The following ESF1 variants were observed in gnomAD, a reference collection of about 807,000 sequenced individuals.
ESF1 encodes the protein ESF1 homolog.
In ESF1, 58 loss-of-function variants were observed where a neutral mutation model predicts 92.0. The ratio of observed to expected loss-of-function variants is 0.63; its 90% CI spans 0.51 to 0.78. The LOEUF (loss-of-function observed/expected upper bound fraction) is 0.78. Ranked by LOEUF, ESF1 falls within the 30% of genes least tolerant of loss-of-function variation. The probability of loss-of-function intolerance (pLI) is 0.00; values close to 1 mark genes in which losing one functional copy is unlikely to be tolerated. For synonymous variants in ESF1, 321 were observed against 313.7 expected, an observed-to-expected ratio of 1.02 and a Z score of -0.24; for missense variants, 922 against 989.1, an observed-to-expected ratio of 0.93 and a Z score of 0.91.
chr20:13,761,515 A>G (rs370046145), intron 8 of ESF1, among the ~76,000 whole-genome samples: 2 of 152,046 alleles, frequency 1.3e-5, no homozygotes, highest in Non-Finnish European at 2.9e-5. Context: ...TAGGCTGAAT[A>G]TTGTTGGGAT....
chr20:13,762,619 T>A (rs931645592), intron 8 of ESF1, among the ~76,000 whole-genome samples: 1 of 152,156 alleles, frequency 6.6e-6, no homozygotes, highest in Non-Finnish European at 1.5e-5. Context: ...AAACCCTTAA[T>A]ACTATATAAG....
intron 8 of ESF1, among the ~76,000 whole-genome samples, chr20:13,766,291 C>T (rs1979422436): frequency 6.6e-6 from 1 of 152,104 alleles, no homozygotes; most frequent in Non-Finnish European, 1.5e-5. Flanking sequence ...CCTCAAGCTC[C>T]ACAAACAAAA....
intron 8 of ESF1, among the ~76,000 whole-genome samples, chr20:13,762,049 T>C (rs996335395): frequency 6.6e-6 from 1 of 152,322 alleles, no homozygotes; most frequent in East Asian, 1.9e-4. Flanking sequence ...CCTTGTATCT[T>C]TTTTAGTTTT....
intron 13 of ESF1, among the ~76,000 whole-genome samples, chr20:13,715,686 A>T (rs546976248): frequency 6.6e-6 from 1 of 152,322 alleles, no homozygotes; most frequent in African/African-American, 2.4e-5. Context: ...AATCCATCTG[A>T]GATCAAGGTC....
At chr20:13,780,513 A>G (rs1450163846) in intron 2 of ESF1, among the ~76,000 whole-genome samples, 2 of 152,162 alleles carry the variant, frequency 1.3e-5, no homozygotes, top group Non-Finnish European at 2.9e-5. Context: ...AAAATGGGAT[A>G]CCACCACTGA....
At chr20:13,770,963 T>C (rs888622112) in intron 6 of ESF1, among the ~76,000 whole-genome samples, 2 of 152,192 alleles carry the variant, frequency 1.3e-5, no homozygotes, top group Non-Finnish European at 2.9e-5. Context: ...ATAGCATGGA[T>C]CTAGAGATAA....
chr20:13,778,855 G>A (rs1428469924), intron 2 of ESF1, among the ~76,000 whole-genome samples: 1 of 151,970 alleles, frequency 6.6e-6, no homozygotes, highest in Non-Finnish European at 1.5e-5. Flanking sequence ...GACAAGCCTG[G>A]GCAACATGGC....
intron 9 of ESF1, among the ~76,000 whole-genome samples, chr20:13,735,341 T>C (rs1207503300): frequency 6.6e-6 from 1 of 152,166 alleles, no homozygotes; most frequent in East Asian, 1.9e-4. Context: ...AGATTTGTTT[T>C]TATGACATAC....
intron 2 of ESF1, among the ~76,000 whole-genome samples, chr20:13,781,611 G>A (rs905558528): frequency 3.9e-5 from 6 of 152,114 alleles, no homozygotes; most frequent in African/African-American, 1.2e-4. Flanking sequence ...TCTGCTCAGG[G>A]GCAAAAAATC....
chr20:13,747,117 C>T (rs978983331), intron 9 of ESF1, among the ~76,000 whole-genome samples: 7 of 152,076 alleles, frequency 4.6e-5, no homozygotes, highest in Non-Finnish European at 7.4e-5. Context: ...ACTGGTGGTA[C>T]GCTGGTTGGG....
chr20:13,768,891 T>TA (rs1376332363), intron 7 of ESF1, among the ~76,000 whole-genome samples: 1 of 110,222 alleles, frequency 9.1e-6, no homozygotes, highest in Non-Finnish European at 1.7e-5. Flanking sequence ...AGCAAGACTC[T>TA]AGTCTCAAAA....
chr20:13,745,131 A>G (rs2050039657), intron 9 of ESF1, among the ~76,000 whole-genome samples: 1 of 152,212 alleles, frequency 6.6e-6, no homozygotes, highest in Non-Finnish European at 1.5e-5. Context: ...AACGATAAAG[A>G]GCTATGGGAA....
Position 13,733,768 on chromosome 20 carries a change from A to C in ESF1, c.1903T>G (p.Phe635Val), listed in dbSNP as rs759494258. The C allele has an allele frequency of 6.2e-7, 1 of 1,613,116 alleles. No individual in the cohort carries two copies. Among genetic ancestry groups the C allele is most frequent in the South Asian group, 1.1e-5 (1 of 90,980 alleles). The change falls in exon 10 of 14, where the codon TTT becomes GTT. Residue 635 changes from phenylalanine to valine, a missense_variant. Physicochemically the swap from Phe to Val is conservative, Grantham distance 50. Coordinates refer to ENST00000617257, the MANE Select transcript of ESF1 (RefSeq NM_001276380.2). ...GKDKLTPWEQ[F>V]LEKKKEKKRL... ...TTTTTCTCTTTCTTCTTCTCTAAAA[A>C]TTGTTCCCAAGGGGTCAGTTTATCC...
chr20:13,771,518 C>T (rs780925647), intron 5 of ESF1, 35 bp from the exon 6 acceptor site: 4 of 1,526,876 alleles, frequency 2.6e-6, no homozygotes, highest in South Asian at 1.2e-5. Context: ...CATACTTATA[C>T]AGAAACACAA....
chr20:13,716,822 T>C (rs1350191188), intron 13 of ESF1, among the ~76,000 whole-genome samples: 5 of 123,750 alleles, frequency 4.0e-5, no homozygotes, highest in African/African-American at 1.6e-4. Context: ...TTTTTTTTTT[T>C]TTTTTTTTTT....
At chr20:13,727,425 C>T (rs1429705505) in intron 11 of ESF1, among the ~76,000 whole-genome samples, 1 of 152,204 alleles carries the variant, frequency 6.6e-6, no homozygotes, top group African/African-American at 2.4e-5. Flanking sequence ...GCAATTCTGA[C>T]TTTCCTGTTG....
At chr20:13,732,943 T>G (rs1036090652) in intron 10 of ESF1, among the ~76,000 whole-genome samples, 1 of 134,350 alleles carries the variant, frequency 7.4e-6, no homozygotes, top group Non-Finnish European at 1.6e-5. Flanking sequence ...TATTTATTTA[T>G]TGAGACAGAG....
intron 9 of ESF1, among the ~76,000 whole-genome samples, chr20:13,741,466 C>G (rs142145704): frequency 1.3e-5 from 2 of 152,100 alleles, no homozygotes; most frequent in African/African-American, 4.8e-5. Context: ...GACGAACTGA[C>G]CAGTAAAACA....
intron 7 of ESF1, 140 bp downstream of exon 7, chr20:13,769,767 G>A (rs1211666039): frequency 7.7e-6 from 5 of 652,842 alleles, no homozygotes; most frequent in South Asian, 3.6e-5. Context: ...GCCTGGGTGA[G>A]AGAGCGAGAC....
Sources: gnomAD v4.1 joint callset for allele counts (sites outside exome capture counted in the v4.1 genomes callset) on GRCh38, gnomAD v4.1.1 for gene constraint, MANE v1.5 for transcripts, NCBI Gene and HGNC (gene_info 2026-07-23, HGNC 2026-07-21) for gene names.